The following VTI1B variants were observed in gnomAD, a reference collection of about 807,000 sequenced individuals.
VTI1B encodes vesicle transport through interaction with t-SNAREs 1B.
A neutral mutation model predicts 28.6 loss-of-function variants in VTI1B; 18 were observed. That is an observed-to-expected ratio of 0.63 (90% CI 0.43 to 0.93). The LOEUF is 0.93. Ranked by LOEUF, VTI1B falls within the 40% of genes least tolerant of loss-of-function variation. The probability of loss-of-function intolerance (pLI) is 0.00; values close to 1 mark genes in which losing one functional copy is unlikely to be tolerated. For synonymous variants in VTI1B, 100 were observed against 107.9 expected, an observed-to-expected ratio of 0.93 and a Z score of 0.46; for missense variants, 283 against 297.0, an observed-to-expected ratio of 0.95 and a Z score of 0.35.
chr14:67,662,666 G>A, intron 1 of VTI1B, 131 bp from the exon 2 acceptor site: 1 of 827,452 alleles, frequency 1.2e-6, no homozygotes, highest in South Asian at 1.9e-5. Flanking sequence ...AGCACTTTGG[G>A]AGGCCAAGGC....
In VTI1B at chr14:67,651,151, T is replaced by G; in HGVS notation, c.*234A>C. The G allele has an allele frequency of 1.0e-6, 1 of 954,704 alleles. No homozygotes were observed. The highest frequency in any genetic ancestry group is 1.7e-5 in the South Asian group (1 of 57,260). The allele number at this position is 954,704 out of a possible 1,614,324, so 59.1% of individuals were successfully genotyped here. A position where few individuals can be genotyped will look rare whatever the true frequency, so the allele number is the denominator to read the frequency against. On this transcript the variant is annotated 3_prime_UTR_variant, in exon 6 of 6. Coordinates refer to ENST00000554659, the MANE Select transcript of VTI1B (RefSeq NM_006370.3). The stretch of plus-strand genomic sequence containing the variant: ...AATATGCTACAGTACTATGTAAATT[T>G]AAAGAAGTCATAAACAGCATTTATT...
chr14:67,656,605 A>G lies in VTI1B; in HGVS notation c.367-16T>C, dbSNP rs2140811743. ...GTAGCCGATTCTGAAAGAAGTATGGAAGAGAAATGTTAGACTTTTTCCATT... is the reference window on the plus strand; with the variant it reads ...GTAGCCGATTCTGAAAGAAGTATGGGAGAGAAATGTTAGACTTTTTCCATT... On this transcript the variant is annotated splice_polypyrimidine_tract_variant and intron_variant, in intron 3 of 5. Transcript: ENST00000554659. The G allele has an allele frequency of 6.3e-7, 1 of 1,590,124 alleles. No homozygotes were observed. The highest frequency in any genetic ancestry group is 2.2e-5 in the East Asian group (1 of 44,586).
chr14:67,673,583 T>C (rs574666446), intron 1 of VTI1B, among the ~76,000 whole-genome samples: 1 of 152,306 alleles, frequency 6.6e-6, no homozygotes, highest in East Asian at 1.9e-4. Context: ...ACAATAAATA[T>C]ATATTAAATA....
chr14:67,651,850 G>A (rs899178516), intron 5 of VTI1B: 1 of 178,634 alleles, frequency 5.6e-6, no homozygotes, highest in African/African-American at 2.4e-5. Context: ...TAGAAGCCTG[G>A]GTAATACCTT....
Position 67,653,421 on chromosome 14 carries a change from C to CTT in VTI1B, c.602+14_602+15dup. ...CACTGAGTTAAGAGAAATTTCATGA[C>CTT]TTTAATAAAACTTACTTTCTGGACA... On this transcript the variant is annotated intron_variant, in intron 5 of 5. Coordinates refer to ENST00000554659, the MANE Select transcript of VTI1B (RefSeq NM_006370.3). The CTT allele has an allele frequency of 1.2e-6, 2 of 1,612,478 alleles. No individual in the cohort carries two copies. The highest frequency in any genetic ancestry group is 8.5e-7 in the Non-Finnish European group (1 of 1,178,954).
rs1472841221 is a variant in VTI1B at position 67,653,480 on chromosome 14, T to C, written c.559A>G (p.Asn187Asp). Reference sequence around the variant, plus strand: ...AGAATCTTCCGACTTTTGCTCAAGTTTTCACTTGTGTTTACCAGCTGAGAA... The same window carrying C: ...AGAATCTTCCGACTTTTGCTCAAGTCTTCACTTGTGTTTACCAGCTGAGAA... ...TKSRLVNTSE[N>D]LSKSRKILRS... Residue 187 changes from asparagine to aspartate, a missense_variant, in exon 5 of 6, where the codon AAC (asparagine) becomes GAC (aspartate). Asn to Asp is a conservative substitution (Grantham distance 23, BLOSUM62 1). Coordinates refer to ENST00000554659, the MANE Select transcript of VTI1B (RefSeq NM_006370.3). The C allele has an allele frequency of 6.2e-7, 1 of 1,614,062 alleles. No individual in the cohort carries two copies. Among genetic ancestry groups the C allele is most frequent in the Admixed American group, 1.7e-5 (1 of 60,014 alleles).
Position 67,674,364 on chromosome 14 carries a change from C to G in VTI1B, c.115+11G>C, listed in dbSNP as rs758675211. ...CTGCGCTCCCCACGGCGTGGCCCAC[C>G]CCCGCCTCACCGGTCCCCGCCGTCC... On this transcript the variant is annotated intron_variant, in intron 1 of 5. Transcript: ENST00000554659. The G allele has an allele frequency of 2.5e-6, 4 of 1,584,236 alleles. No homozygotes were observed. The highest frequency in any genetic ancestry group is 4.6e-5 in the East Asian group (2 of 43,488).
chr14:67,666,486 C>A (rs1233550795), intron 1 of VTI1B, among the ~76,000 whole-genome samples: 1 of 152,182 alleles, frequency 6.6e-6, no homozygotes, highest in Non-Finnish European at 1.5e-5. Context: ...CCTTTCTGGA[C>A]TTCTAAGATT....
rs546586132 is a variant in VTI1B, at chr14:67,666,080, G to A, written c.116-3545C>T. Among the ~76,000 whole-genome samples the A allele has an allele frequency of 9.2e-5, 14 of 152,304 alleles. No individual in the cohort carries two copies. In the South Asian group the frequency reaches 2.7e-3, roughly 29 times the overall value. ...CCCAAAAGTGCTGAGCATCATCACTGCTCTGAGTCAGCACATCTCCAAACT... is the reference window on the plus strand; with the variant it reads ...CCCAAAAGTGCTGAGCATCATCACTACTCTGAGTCAGCACATCTCCAAACT... On this transcript the variant is annotated intron_variant, in intron 1 of 5. Transcript: ENST00000554659.
At chr14:67,668,751 A>G (rs2037432376) in intron 1 of VTI1B, among the ~76,000 whole-genome samples, 1 of 152,202 alleles carries the variant, frequency 6.6e-6, no homozygotes. Flanking sequence ...GTGAAAACAC[A>G]CTGCTTGTTA....
intron 1 of VTI1B, among the ~76,000 whole-genome samples, chr14:67,665,154 A>C (rs2037385029): frequency 6.6e-6 from 1 of 152,290 alleles, no homozygotes; most frequent in Admixed American, 6.5e-5. Flanking sequence ...CACCCGGCCA[A>C]GCCCTGACTT....
chr14:67,660,266 T>A (rs1322025442), intron 2 of VTI1B: 1 of 166,760 alleles, frequency 6.0e-6, no homozygotes, highest in African/African-American at 2.4e-5. Flanking sequence ...ATATAAGACT[T>A]AAAGAAACCT....
At chr14:67,657,616 ACACACACC>A (rs1175870066) in intron 3 of VTI1B, among the ~76,000 whole-genome samples, 6 of 151,116 alleles carry the variant, frequency 4.0e-5, no homozygotes, top group African/African-American at 1.5e-4. Context: ...ACACACACAC[ACACACACC>A]CAAAATCAAA....
chr14:67,665,512 C>T (rs182045849), intron 1 of VTI1B, among the ~76,000 whole-genome samples: 134 of 152,156 alleles, frequency 8.8e-4, no homozygotes, highest in Admixed American at 1.8e-3. Context: ...AGGCAATCCT[C>T]GACCTCAGCC....
chr14:67,668,653 AAC>A (rs1189592694), intron 1 of VTI1B, among the ~76,000 whole-genome samples: 1 of 116,670 alleles, frequency 8.6e-6, no homozygotes, highest in Non-Finnish European at 2.3e-5. Context: ...GTACTTAGGA[AAC>A]ACAGTGAAAA....
Position 67,649,245 on chromosome 14 carries a change from G to C in VTI1B, c.*2140C>G, listed in dbSNP as rs1163318931. The C allele has an allele frequency of 2.0e-5, 3 of 152,150 alleles. No homozygotes were observed. Among genetic ancestry groups the C allele is most frequent in the Non-Finnish European group, 4.4e-5 (3 of 68,038 alleles). The allele number at this position is 152,150 out of a possible 1,614,324, so 9.4% of individuals were successfully genotyped here. On this transcript the variant is annotated 3_prime_UTR_variant, in exon 6 of 6. Coordinates refer to ENST00000554659, the MANE Select transcript of VTI1B (RefSeq NM_006370.3). ...ACTCCAAAAGACACTCATGGGGCTA[G>C]GCACAGTGGTTCATACCTATAATCC...
At chr14:67,657,869 C>A (rs550977345) in intron 3 of VTI1B, among the ~76,000 whole-genome samples, 2 of 151,976 alleles carry the variant, frequency 1.3e-5, no homozygotes, top group South Asian at 4.2e-4. Flanking sequence ...CTGCCTCAGC[C>A]TCCCAAGTAA....
chr14:67,662,548 G>C lies in VTI1B; in HGVS notation c.116-13C>G. 6.2e-7 allele frequency: 1 copy of C among 1,603,542 alleles called. No individual in the cohort carries two copies. Among genetic ancestry groups the C allele is most frequent in the Non-Finnish European group, 8.5e-7 (1 of 1,173,686 alleles). On this transcript the variant is annotated splice_polypyrimidine_tract_variant and intron_variant, in intron 1 of 5. Coordinates refer to ENST00000554659, the MANE Select transcript of VTI1B (RefSeq NM_006370.3). ...TTCTTCTTTTCTTCTAGAAAAGATA[G>C]ATAAGTTTCAAATGCTTATTACTGT...
chr14:67,672,874 G>A (rs1481475717), intron 1 of VTI1B, among the ~76,000 whole-genome samples: 2 of 152,138 alleles, frequency 1.3e-5, no homozygotes, highest in East Asian at 1.9e-4. Flanking sequence ...ACATGATCTG[G>A]CCCTGCTTAT....
Sources: allele counts gnomAD v4.1 joint callset (sites outside exome capture counted in the v4.1 genomes callset), GRCh38; gene constraint gnomAD v4.1.1; transcripts MANE v1.5; gene names NCBI Gene and HGNC (gene_info 2026-07-23, HGNC 2026-07-21).